Variants in FBLN1 observed in about 807,000 individuals in gnomAD.
FBLN1 encodes fibulin 1.
A neutral mutation model predicts 89.7 loss-of-function variants in FBLN1; 34 were observed. That is an observed-to-expected ratio of 0.38 (90% CI 0.29 to 0.50). FBLN1 has a LOEUF of 0.50. Among genes scored for constraint, FBLN1 ranks in the 20% least tolerant of loss-of-function variants. The pLI is 0.92. For synonymous variants in FBLN1, 393 were observed against 391.3 expected (o/e 1.00, Z -0.05); for missense variants, 777 against 988.1 (o/e 0.79, Z 2.86).
intron 14 of FBLN1, among the ~76,000 whole-genome samples, chr22:45,552,506 C>T (rs1248901019): frequency 6.6e-6 from 1 of 152,204 alleles, no homozygotes; most frequent in Non-Finnish European, 1.5e-5. Context: ...TTTTCCTGCT[C>T]ATCAAAAATC....
intron 14 of FBLN1, among the ~76,000 whole-genome samples, chr22:45,567,545 T>C (rs1299973091): frequency 1.3e-5 from 2 of 152,038 alleles, no homozygotes; most frequent in Non-Finnish European, 2.9e-5. Context: ...GAACCTGGAA[T>C]ACAGAGATTC....
rs546285566 is a variant in FBLN1 at position 45,569,532 on chromosome 22, G to A, written c.1698-4979G>A. 6.8e-4 allele frequency among the ~76,000 whole-genome samples: 103 copies of A among 152,198 alleles called. 4 individuals carry two copies. The South Asian group carries it at 0.021, about 30-fold the overall frequency. ...CATGTGCCTGTAATCTCAGCGACTT[G>A]GGAGGCTGAGGCAGGAGAATCGCTT... is the stretch of plus-strand genomic sequence containing the variant. On this transcript the variant is annotated intron_variant, in intron 14 of 16. Coordinates refer to ENST00000327858, the MANE Select transcript of FBLN1 (RefSeq NM_006486.3).
chr22:45,591,315 G>A (rs574920456), intron 16 of FBLN1, among the ~76,000 whole-genome samples: 1 of 152,302 alleles, frequency 6.6e-6, no homozygotes, highest in South Asian at 2.1e-4. Flanking sequence ...CTGTGATGAC[G>A]AAGCACTGCA....
chr22:45,504,602 T>G (rs776222658), intron 1 of FBLN1, among the ~76,000 whole-genome samples: 2 of 152,078 alleles, frequency 1.3e-5, no homozygotes, highest in Non-Finnish European at 2.9e-5. Context: ...ATTGTGTCGA[T>G]GAGGAAGCTG....
At chr22:45,586,564 G>T (rs980175641) in intron 16 of FBLN1, among the ~76,000 whole-genome samples, 5 of 152,260 alleles carry the variant, frequency 3.3e-5, no homozygotes, top group Non-Finnish European at 7.3e-5. Context: ...AAAGGCAGTG[G>T]TGCTCGTCAA....
chr22:45,570,340 G>GAAAAAAAAAAAAAAAAAAAAAAAAAAAAA (rs2088941696), intron 14 of FBLN1, among the ~76,000 whole-genome samples: 1 of 59,146 alleles, frequency 1.7e-5, no homozygotes, highest in African/African-American at 7.3e-5. Context: ...AAAAAAAAAA[G>GAAAAAAAAAAAAAAAAAAAAAAAAAAAAA]AAAAGAAAAG....
Position 45,584,266 on chromosome 22 carries a change from G to C in FBLN1, c.1972+7158G>C, listed in dbSNP as rs529521890. Among the ~76,000 whole-genome samples the C allele has an allele frequency of 1.2e-4, 19 of 152,314 alleles. No individual in the cohort carries two copies. The South Asian group carries it at 3.9e-3, about 32-fold the overall frequency. ...TTTCCCACATTGTCTGTGCTGAGTC[G>C]TGGGAGCCTCTGAGTTTTGCCAGTG... On this transcript the variant is annotated intron_variant, in intron 16 of 16. Transcript: ENST00000327858.
chr22:45,543,222 T>C (rs548182083), intron 10 of FBLN1, among the ~76,000 whole-genome samples, 179 bp from the exon 11 acceptor site: 17 of 152,054 alleles, frequency 1.1e-4, no homozygotes, highest in Admixed American at 3.9e-4. Flanking sequence ...GCTGAGATCA[T>C]GCCACTGCAA....
chr22:45,535,446 G>T (rs1359507283), intron 8 of FBLN1, 109 bp downstream of exon 8: 10 of 1,369,226 alleles, frequency 7.3e-6, no homozygotes, highest in Non-Finnish European at 9.2e-6. Context: ...CAGAACAGGG[G>T]TTGGCAAACT....
At chr22:45,592,968 C>T (rs1372099388) in intron 16 of FBLN1, among the ~76,000 whole-genome samples, 18 of 152,210 alleles carry the variant, frequency 1.2e-4, no homozygotes, top group Non-Finnish European at 4.4e-5. Flanking sequence ...CAGCCCTGCA[C>T]ACTCCATTAC....
intron 14 of FBLN1, chr22:45,565,204 T>C (rs936156696): frequency 7.9e-6 from 12 of 1,514,124 alleles, no homozygotes; most frequent in Middle Eastern, 1.8e-4. Flanking sequence ...GAAGGACCAG[T>C]CTGGTTACGA....
rs144129499 is a variant in FBLN1, at chr22:45,533,771, A to G, written c.657A>G (p.Glu219=). The G allele has an allele frequency of 5.9e-5, 95 of 1,612,328 alleles. No individual in the cohort carries two copies. Among genetic ancestry groups the G allele is most frequent in the Non-Finnish European group, 7.7e-5 (91 of 1,179,978 alleles). ...CTCGGTCTCTCCTAGATGTCAATGA[A>G]TGCATCACGGGCAGCCACAGCTGCC... ...SDGVSCEDVN[E]CITGSHSCRL... is the part of the protein sequence containing the mutation. The change falls in exon 7 of 17, where the codon GAA becomes GAG. Residue 219 remains glutamate, a synonymous_variant. Transcript: ENST00000327858.
At chr22:45,528,490 G>T (rs928839263) in intron 4 of FBLN1, among the ~76,000 whole-genome samples, 3 of 152,010 alleles carry the variant, frequency 2.0e-5, no homozygotes, top group Admixed American at 2.0e-4. Flanking sequence ...GATTACAGGT[G>T]TACACTACCA....
Position 45,530,600 on chromosome 22 carries a change from A to G in FBLN1, c.485-665A>G, listed in dbSNP as rs1041781092. Among the ~76,000 whole-genome samples the G allele has an allele frequency of 2.0e-5, 3 of 152,130 alleles. No individual in the cohort carries two copies. The highest frequency in any genetic ancestry group is 1.9e-4 in the East Asian group (1 of 5,182). ...TTGATAGAATCAATCAGGAGACTCA[A>G]GTTTTTACTGCGTGCATTGCTTTAG... On this transcript the variant is annotated intron_variant, in intron 4 of 16. Transcript: ENST00000327858. This position sits in a 1 kb window ranked among gnomAD's most constrained non-coding sequence, Gnocchi z 5.4.
chr22:45,600,204 G>A (rs1427200644), intron 16 of FBLN1, 103 bp from the exon 17 acceptor site: 1 of 1,398,486 alleles, frequency 7.2e-7, no homozygotes, highest in African/African-American at 1.4e-5. Flanking sequence ...TGAGGTCTAT[G>A]CCTCCTTCTA....
chr22:45,570,671 C>T (rs942412104), intron 14 of FBLN1, among the ~76,000 whole-genome samples: 1 of 152,108 alleles, frequency 6.6e-6, no homozygotes, highest in Admixed American at 6.5e-5. Context: ...AAGCCGAATA[C>T]ATGGGGGAAA....
intron 1 of FBLN1, among the ~76,000 whole-genome samples, chr22:45,504,420 C>T (rs888241118): frequency 1.5e-4 from 23 of 152,174 alleles, no homozygotes; most frequent in Non-Finnish European, 3.1e-4. Flanking sequence ...TCCCTGGAGG[C>T]TCTTTAGAAG....
chr22:45,542,406 C>T (rs2088569541), intron 10 of FBLN1, 123 bp downstream of exon 10: 2 of 1,346,500 alleles, frequency 1.5e-6, no homozygotes. Flanking sequence ...TGCAGGCAGA[C>T]CCTGAGAGAA....
chr22:45,563,209 C>T lies in FBLN1; in HGVS notation c.1698-11302C>T, dbSNP rs192869198. On this transcript the variant is annotated intron_variant, in intron 14 of 16. Transcript: ENST00000327858. This position sits in a 1 kb window ranked among gnomAD's most constrained non-coding sequence, Gnocchi z 5.7. ...CCGTCAAGATGGATCTCTCTCGCCA[C>T]GGCACCGTCAGCTCCTTTGTGGCCA... 313 of 1,613,790 alleles carry T rather than the reference C, an allele frequency of 1.9e-4. 2 individuals carry two copies. The Middle Eastern group carries it at 2.3e-3, about 12-fold the overall frequency.
Sources: allele counts gnomAD v4.1 joint callset (sites outside exome capture counted in the v4.1 genomes callset), GRCh38; gene constraint gnomAD v4.1.1; non-coding constraint Gnocchi (gnomAD v3.1); transcripts MANE v1.5; gene names NCBI Gene and HGNC (gene_info 2026-07-23, HGNC 2026-07-21).